SLC24A3: variants seen among roughly 807,000 people sequenced by gnomAD.
SLC24A3 encodes sodium/potassium/calcium exchanger 3.
Under a neutral mutation model 75.8 loss-of-function variants are expected in SLC24A3, and 28 were observed. That is an observed-to-expected ratio of 0.37 (90% CI 0.27 to 0.51). SLC24A3 has a LOEUF of 0.51. SLC24A3 is among the 20% of genes least tolerant of loss of function. SLC24A3 has a pLI of 0.94. For synonymous variants in SLC24A3, 372 were observed against 334.1 expected (o/e 1.11, Z -1.24); for missense variants, 663 against 847.8 (o/e 0.78, Z 2.71).
intron 2 of SLC24A3, among the ~76,000 whole-genome samples, chr20:19,408,316 C>T (rs1986684670): frequency 1.3e-5 from 2 of 151,840 alleles, no homozygotes; most frequent in African/African-American, 2.4e-5. Flanking sequence ...AATGCTTTGC[C>T]ATTCCTAAGA....
intron 1 of SLC24A3, among the ~76,000 whole-genome samples, chr20:19,241,262 T>C (rs1239755849): frequency 6.6e-6 from 1 of 152,166 alleles, no homozygotes; most frequent in African/African-American, 2.4e-5. Flanking sequence ...TGTCCAAGAT[T>C]CTTTCTGGAT....
intron 2 of SLC24A3, among the ~76,000 whole-genome samples, chr20:19,385,944 A>G (rs980239048): frequency 1.3e-5 from 2 of 151,958 alleles, no homozygotes; most frequent in African/African-American, 4.8e-5. Context: ...CTATTTTTCT[A>G]TTTCTGTGAA....
At chr20:19,510,770 C>T (rs1988523748) in intron 2 of SLC24A3, among the ~76,000 whole-genome samples, 1 of 152,218 alleles carries the variant, frequency 6.6e-6, no homozygotes, top group Non-Finnish European at 1.5e-5. Flanking sequence ...GCACCTTTAT[C>T]TCAGACTTCC....
At chr20:19,485,846 C>T (rs1178964610) in intron 2 of SLC24A3, among the ~76,000 whole-genome samples, 1 of 152,158 alleles carries the variant, frequency 6.6e-6, no homozygotes, top group African/African-American at 2.4e-5. Flanking sequence ...AAAGAGATCC[C>T]CCTCTAGACA....
intron 2 of SLC24A3, among the ~76,000 whole-genome samples, chr20:19,344,554 T>G (rs1174741382): frequency 1.3e-5 from 2 of 152,294 alleles, no homozygotes; most frequent in Non-Finnish European, 2.9e-5. Flanking sequence ...TGATAATAAG[T>G]AAGTCACTTC....
chr20:19,681,840 A>G lies in SLC24A3; in HGVS notation c.768-18A>G, dbSNP rs754921882. ...TGGAAAACACTGATGGACTCTGCCC[A>G]CTTGTCGCTTTGCTCAGATATAACG... On this transcript the variant is annotated intron_variant, in intron 9 of 16. Coordinates refer to ENST00000328041, the MANE Select transcript of SLC24A3 (RefSeq NM_020689.4). 6.2e-7 allele frequency: 1 copy of G among 1,613,898 alleles called. No individual in the cohort carries two copies. The highest frequency in any genetic ancestry group is 8.5e-7 in the Non-Finnish European group (1 of 1,179,958).
Position 19,681,764 on chromosome 20 carries a change from A to G in SLC24A3, c.768-94A>G, listed in dbSNP as rs191366475. On this transcript the variant is annotated intron_variant, in intron 9 of 16. Coordinates refer to ENST00000328041, the MANE Select transcript of SLC24A3 (RefSeq NM_020689.4). ...CTTGAGGCCTGGTGACTGTGCATGCAGACTGGGAGAGCTCTCAGAAGCACT... is the reference window on the plus strand; with the variant it reads ...CTTGAGGCCTGGTGACTGTGCATGCGGACTGGGAGAGCTCTCAGAAGCACT... The G allele has an allele frequency of 4.9e-5, 78 of 1,595,248 alleles. 1 individual carries two copies. In the Admixed American group the frequency reaches 1.3e-3, roughly 27 times the overall value.
intron 2 of SLC24A3, among the ~76,000 whole-genome samples, chr20:19,318,216 C>G (rs1984627613): frequency 6.6e-6 from 1 of 152,216 alleles, no homozygotes; most frequent in African/African-American, 2.4e-5. Context: ...CTGGATAACA[C>G]AAGCTTTATG....
chr20:19,364,271 G>A (rs567874615), intron 2 of SLC24A3, among the ~76,000 whole-genome samples: 5 of 152,122 alleles, frequency 3.3e-5, no homozygotes, highest in South Asian at 4.2e-4. Flanking sequence ...TCAGCCAGCC[G>A]CCCCCCTCCC....
intron 2 of SLC24A3, among the ~76,000 whole-genome samples, chr20:19,329,943 G>A (rs557021194): frequency 1.1e-4 from 17 of 152,310 alleles, no homozygotes; most frequent in Admixed American, 2.0e-4. Flanking sequence ...CCAGGTTGGA[G>A]GCCTGCCATG....
intron 5 of SLC24A3, 106 bp downstream of exon 5, chr20:19,585,161 G>A: frequency 9.9e-7 from 1 of 1,015,168 alleles, no homozygotes; most frequent in Non-Finnish European, 1.5e-6. Context: ...CATAGAAAAT[G>A]ATAATCCAGG....
At chr20:19,440,899 C>T (rs892059462) in intron 2 of SLC24A3, among the ~76,000 whole-genome samples, 1 of 151,912 alleles carries the variant, frequency 6.6e-6, no homozygotes, top group South Asian at 2.1e-4. Context: ...ATTTGGATAC[C>T]GACGGACTGT....
At position 19,516,381 on chromosome 20, in the gene SLC24A3, C is replaced by A. The variant is rs191276977; in HGVS notation, c.348+817C>A. 5.8e-4 allele frequency among the ~76,000 whole-genome samples: 89 copies of A among 152,364 alleles called. 2 individuals are homozygous for A. In the East Asian group the frequency reaches 0.014, roughly 24 times the overall value. The stretch of plus-strand genomic sequence containing the variant: ...CCCCATCTCTGTGGCATTCCCTCCC[C>A]CTTAATTCCATTCTAGTTATTTATC... On this transcript the variant is annotated intron_variant, in intron 3 of 16. Coordinates refer to ENST00000328041, the MANE Select transcript of SLC24A3 (RefSeq NM_020689.4).
intron 2 of SLC24A3, among the ~76,000 whole-genome samples, chr20:19,426,329 G>A (rs938809845): frequency 2.0e-5 from 3 of 152,204 alleles, no homozygotes; most frequent in African/African-American, 7.2e-5. Flanking sequence ...ATTTCTTGGA[G>A]CTATTTTCTT....
intron 2 of SLC24A3, among the ~76,000 whole-genome samples, chr20:19,466,885 A>G (rs1987774724): frequency 6.6e-6 from 1 of 152,206 alleles, no homozygotes; most frequent in Admixed American, 6.5e-5. Flanking sequence ...TAAAAATATG[A>G]TCTGGATCAT....
chr20:19,566,897 C>A (rs528670649), intron 3 of SLC24A3, among the ~76,000 whole-genome samples: 122 of 152,080 alleles, frequency 8.0e-4, no homozygotes, highest in Non-Finnish European at 1.1e-3. Flanking sequence ...AGCCAACAAG[C>A]GCATGAAAAA....
At chr20:19,624,451 G>T (rs2031842742) in intron 6 of SLC24A3, among the ~76,000 whole-genome samples, 1 of 152,206 alleles carries the variant, frequency 6.6e-6, no homozygotes, top group Non-Finnish European at 1.5e-5. Context: ...TTGCACACAA[G>T]AACGAACATT....
At chr20:19,444,213 AC>A (rs1274335363) in intron 2 of SLC24A3, among the ~76,000 whole-genome samples, 2 of 152,030 alleles carry the variant, frequency 1.3e-5, no homozygotes, top group African/African-American at 4.8e-5. Flanking sequence ...ATTTTTATAT[AC>A]CTCATTGGAT....
chr20:19,416,025 G>T (rs1394142903), intron 2 of SLC24A3, among the ~76,000 whole-genome samples: 1 of 152,106 alleles, frequency 6.6e-6, no homozygotes, highest in African/African-American at 2.4e-5. Context: ...TGTAAGTTTG[G>T]CAGTGATATT....
Sources: allele counts gnomAD v4.1 joint callset (sites outside exome capture counted in the v4.1 genomes callset), GRCh38; gene constraint gnomAD v4.1.1; transcripts MANE v1.5; gene names NCBI Gene and HGNC (gene_info 2026-07-23, HGNC 2026-07-21).